MROH2B: variants seen among roughly 807,000 people sequenced by gnomAD.
MROH2B encodes maestro heat-like repeat-containing protein family member 2B.
In MROH2B, 177 loss-of-function variants were observed where a neutral mutation model predicts 208.6. The observed-to-expected ratio is 0.85, with a 90% CI of 0.75 to 0.96. MROH2B has a LOEUF of 0.96. Ranked by LOEUF, MROH2B falls within the 40% of genes least tolerant of loss-of-function variation. MROH2B has a pLI of 0.00. For missense variants in MROH2B, 2,002 were observed against 1,878.7 expected (o/e 1.07, Z -1.21); for synonymous variants, 728 against 659.0 (o/e 1.10, Z -1.60).
intron 6 of MROH2B, among the ~76,000 whole-genome samples, chr5:41,059,111 C>T (rs1159308400): frequency 6.6e-6 from 1 of 151,928 alleles, no homozygotes; most frequent in East Asian, 1.9e-4. Flanking sequence ...AACTATTACC[C>T]CCACCTGACT....
At chr5:41,033,952 TGAAGGA>T in intron 21 of MROH2B, 88 bp from the exon 22 acceptor site, 1 of 1,429,010 alleles carries the variant, frequency 7.0e-7, no homozygotes, top group Non-Finnish European at 9.3e-7. Flanking sequence ...CCCATCAACC[TGAAGGA>T]CAATAGTAAA....
At chr5:40,998,283 T>A in intron 41 of MROH2B, 125 bp from the exon 42 acceptor site, 1 of 688,208 alleles carries the variant, frequency 1.5e-6, no homozygotes, top group Admixed American at 2.5e-5. Flanking sequence ...CAGGTCCTCA[T>A]GCTCACATTT....
chr5:41,008,555 G>A (rs1741666659), intron 33 of MROH2B, 51 bp downstream of exon 33: 3 of 1,591,752 alleles, frequency 1.9e-6, no homozygotes, highest in Non-Finnish European at 2.6e-6. Context: ...ACCACTCCTG[G>A]AGTCTGGGAT....
intron 24 of MROH2B, among the ~76,000 whole-genome samples, chr5:41,025,646 A>G (rs1489713629): frequency 2.6e-5 from 4 of 152,206 alleles, no homozygotes; most frequent in Non-Finnish European, 5.9e-5. Flanking sequence ...AACTATTCCA[A>G]TCAATAGAAA....
intron 11 of MROH2B, 65 bp downstream of exon 11, chr5:41,054,702 G>T: frequency 7.8e-7 from 1 of 1,289,358 alleles, no homozygotes; most frequent in Non-Finnish European, 1.1e-6. Flanking sequence ...GATCCTTAAA[G>T]AATCAAAATA....
chr5:41,030,049 A>C (rs1324120372), intron 24 of MROH2B, among the ~76,000 whole-genome samples: 1 of 152,148 alleles, frequency 6.6e-6, no homozygotes, highest in Non-Finnish European at 1.5e-5. Flanking sequence ...AAATATTTGC[A>C]AATCATATGT....
chr5:41,048,221 T>G, intron 16 of MROH2B, 103 bp downstream of exon 16: 2 of 1,369,444 alleles, frequency 1.5e-6, no homozygotes, highest in Non-Finnish European at 1.9e-6. Flanking sequence ...TTCATCATTT[T>G]TATTGCCTAA....
chr5:41,069,760 G>A lies in MROH2B; in HGVS notation c.29-8C>T, dbSNP rs756940079. The A allele has an allele frequency of 1.4e-5, 22 of 1,584,286 alleles. No individual in the cohort carries two copies. Among genetic ancestry groups the A allele is most frequent in the Middle Eastern group, 1.7e-4 (1 of 6,022 alleles). On this transcript the variant is annotated splice_region_variant and splice_polypyrimidine_tract_variant and intron_variant, in intron 1 of 41. Transcript: ENST00000399564. ...TAATATCCCCAAACATCTCTAAAACGTACAGAAAAATATGAATTGAAATAT... is the reference window on the plus strand; with the variant it reads ...TAATATCCCCAAACATCTCTAAAACATACAGAAAAATATGAATTGAAATAT...
At chr5:41,047,953 C>A (rs972922479) in intron 16 of MROH2B, among the ~76,000 whole-genome samples, 189 bp from the exon 17 acceptor site, 2 of 152,148 alleles carry the variant, frequency 1.3e-5, no homozygotes, top group Admixed American at 6.5e-5. Flanking sequence ...GGTCTTCAAT[C>A]TATCATAAAA....
intron 3 of MROH2B, among the ~76,000 whole-genome samples, chr5:41,066,027 G>C (rs936869479): frequency 3.3e-5 from 5 of 152,136 alleles, no homozygotes; most frequent in African/African-American, 9.7e-5. Context: ...AGTAAACTTC[G>C]AGGTCAGTAG....
At chr5:41,025,646 A>T (rs1489713629) in intron 24 of MROH2B, among the ~76,000 whole-genome samples, 5 of 152,206 alleles carry the variant, frequency 3.3e-5, no homozygotes, top group Admixed American at 3.3e-4. Flanking sequence ...AACTATTCCA[A>T]TCAATAGAAA....
At chr5:41,020,580 A>C (rs1742112860) in intron 24 of MROH2B, among the ~76,000 whole-genome samples, 1 of 152,230 alleles carries the variant, frequency 6.6e-6, no homozygotes, top group South Asian at 2.1e-4. Flanking sequence ...GACTGATATG[A>C]CATAGATGCC....
intron 29 of MROH2B, among the ~76,000 whole-genome samples, chr5:41,013,314 G>T (rs747113275): frequency 1.3e-5 from 2 of 152,148 alleles, no homozygotes; most frequent in South Asian, 2.1e-4. Context: ...TGCAATTGTT[G>T]TCTCTAGGTA....
At chr5:41,019,342 G>A (rs1033762708) in intron 24 of MROH2B, among the ~76,000 whole-genome samples, 5 of 51,716 alleles carry the variant, frequency 9.7e-5, no homozygotes, top group Non-Finnish European at 1.7e-4. Context: ...GTGTGTGTGT[G>A]TGAGAGAGAG....
intron 27 of MROH2B, 68 bp downstream of exon 27, chr5:41,018,273 T>A: frequency 6.8e-7 from 1 of 1,461,322 alleles, no homozygotes; most frequent in Non-Finnish European, 9.4e-7. Flanking sequence ...AGTTTTGGAT[T>A]CCAGAGATCT....
At chr5:41,027,238 A>G (rs1579926314) in intron 24 of MROH2B, among the ~76,000 whole-genome samples, 1 of 152,236 alleles carries the variant, frequency 6.6e-6, no homozygotes, top group Non-Finnish European at 1.5e-5. Context: ...AACTACCATC[A>G]GAGTGAACAG....
Position 40,998,066 on chromosome 5 carries a change from TTG to T in MROH2B, c.4742_4743del (p.Thr1581LysfsTer?), listed in dbSNP as rs1741262216. The T allele has an allele frequency of 6.2e-7, 1 of 1,610,240 alleles. No homozygotes were observed. Among genetic ancestry groups the T allele is most frequent in the East Asian group, 2.2e-5 (1 of 44,824 alleles). On this transcript the variant is annotated frameshift_variant, in exon 42 of 42. Coordinates refer to ENST00000399564, the MANE Select transcript of MROH2B (RefSeq NM_173489.5). LOFTEE classifies it high-confidence loss of function. Reference sequence around the variant, plus strand: ...TTCTTGATGGCTTACAGAGGAATGCTTGTCTCTTTACACCTTCTCAGGAGGGT... The same window carrying T: ...TTCTTGATGGCTTACAGAGGAATGCTTCTCTTTACACCTTCTCAGGAGGGT... ...LQTLLRRCKETSIPL is the reference protein window; with the variant it reads ...LQTLLRRCKEXSIPL
At chr5:41,037,649 A>G (rs144664983) in intron 21 of MROH2B, among the ~76,000 whole-genome samples, 1 of 152,340 alleles carries the variant, frequency 6.6e-6, no homozygotes, top group Non-Finnish European at 1.5e-5. Context: ...TGGTTTGTGG[A>G]GACACAGACG....
At chr5:41,047,915 G>T (rs1361678113) in intron 16 of MROH2B, among the ~76,000 whole-genome samples, 151 bp from the exon 17 acceptor site, 1 of 151,998 alleles carries the variant, frequency 6.6e-6, no homozygotes, top group Non-Finnish European at 1.5e-5. Flanking sequence ...TACTACACTG[G>T]CAACTTTAAA....
Sources: allele counts gnomAD v4.1 joint callset (sites outside exome capture counted in the v4.1 genomes callset), GRCh38; gene constraint gnomAD v4.1.1; transcripts MANE v1.5; gene names NCBI Gene and HGNC (gene_info 2026-07-23, HGNC 2026-07-21).